The following MAST2 variants were observed in gnomAD, a reference collection of about 807,000 sequenced individuals.
MAST2 encodes microtubule associated serine/threonine kinase 2.
MAST2 carries 70 observed loss-of-function variants against 147.4 expected under a neutral mutation model. That is an observed-to-expected ratio of 0.47 (90% CI 0.39 to 0.58). The LOEUF (loss-of-function observed/expected upper bound fraction) is 0.58. Ranked by LOEUF, MAST2 falls within the 20% of genes least tolerant of loss-of-function variation. MAST2 has a pLI of 0.00. For synonymous variants in MAST2, 869 were observed against 896.8 expected, an observed-to-expected ratio of 0.97 and a Z score of 0.55; for missense variants, 2,080 against 2,302.3, an observed-to-expected ratio of 0.90 and a Z score of 1.98.
chr1:45,885,525 A>T (rs944240345), intron 4 of MAST2, among the ~76,000 whole-genome samples: 2 of 152,246 alleles, frequency 1.3e-5, no homozygotes, highest in African/African-American at 4.8e-5. Context: ...CCACTCAACA[A>T]GTAATTCCTC....
rs753056600 is a variant in MAST2 at position 46,010,752 on chromosome 1, G to A, written c.1001G>A (p.Arg334Gln). 7 of 1,613,612 alleles carry A rather than the reference G, an allele frequency of 4.3e-6. No individual in the cohort carries two copies. In the East Asian group the frequency reaches 6.7e-5, roughly 15 times the overall value. Residue 334 changes from arginine (R) to glutamine (Q), a missense_variant, in exon 10 of 29, where the codon CGA (arginine) becomes CAA (glutamine). Physicochemically the swap from Arg to Gln is conservative, Grantham distance 43. Transcript: ENST00000361297. ...FPKATAQMEERLAEFISSNTP... is the reference protein window; with the variant it reads ...FPKATAQMEEQLAEFISSNTP... ...CAGGCCACCGCACAAATGGAAGAGC[G>A]ACTAGCAGAGTTTATTTCCTCCAAC...
intron 4 of MAST2, among the ~76,000 whole-genome samples, chr1:45,906,320 T>A (rs1299877364): frequency 6.6e-6 from 1 of 152,146 alleles, no homozygotes; most frequent in Non-Finnish European, 1.5e-5. Flanking sequence ...TGTGTACACT[T>A]AGGCTAAAGT....
At chr1:45,822,968 T>G (rs533999088) in intron 1 of MAST2, among the ~76,000 whole-genome samples, 2 of 152,320 alleles carry the variant, frequency 1.3e-5, no homozygotes, top group African/African-American at 4.8e-5. Flanking sequence ...CCTGGACACA[T>G]CAATTGTTTG....
chr1:45,939,216 ATGTG>A (rs1213827412), intron 4 of MAST2, among the ~76,000 whole-genome samples: 1 of 151,884 alleles, frequency 6.6e-6, no homozygotes, highest in Non-Finnish European at 1.5e-5. Context: ...ATGAGGTCAA[ATGTG>A]TGTGTGTGAC....
At chr1:45,823,288 A>T (rs528780768) in intron 1 of MAST2, among the ~76,000 whole-genome samples, 4 of 147,118 alleles carry the variant, frequency 2.7e-5, no homozygotes, top group Non-Finnish European at 6.0e-5. Context: ...GGTGCCAGTT[A>T]CTTGAAGCTT....
intron 3 of MAST2, among the ~76,000 whole-genome samples, chr1:45,833,904 G>A (rs765371088): frequency 6.7e-6 from 1 of 149,876 alleles, no homozygotes; most frequent in Non-Finnish European, 1.5e-5. Flanking sequence ...TTTACCTACT[G>A]TAACTTCAAG....
In MAST2 at chr1:46,032,599, G is replaced by A. The variant is rs903326403; in HGVS notation, c.3418G>A (p.Val1140Met). Reference protein sequence around the residue: ...VYTVHHMVWHVEDGGPASEAG... With the variant: ...VYTVHHMVWHMEDGGPASEAG... ...TACTGTTCTCTTCCTGGCACAGCACGTGGAGGATGGAGGTCCGGCCAGTGA... is the reference window on the plus strand; with the variant it reads ...TACTGTTCTCTTCCTGGCACAGCACATGGAGGATGGAGGTCCGGCCAGTGA... The change falls in exon 26 of 29, where the codon GTG (valine) becomes ATG (methionine). Residue 1140 changes from valine to methionine, a missense_variant. Val to Met is a conservative substitution (Grantham distance 21). Coordinates refer to ENST00000361297, the MANE Select transcript of MAST2 (RefSeq NM_015112.3). 11 of 1,613,948 alleles carry A rather than the reference G, an allele frequency of 6.8e-6. No individual in the cohort carries two copies. Among genetic ancestry groups the A allele is most frequent in the Middle Eastern group, 1.6e-4 (1 of 6,084 alleles).
At position 45,848,591 on chromosome 1, in the gene MAST2, C is replaced by T. The variant is rs114936276; in HGVS notation, c.468+19010C>T. 6.6e-3 allele frequency among the ~76,000 whole-genome samples: 1,009 copies of T among 152,296 alleles called. 12 individuals carry two copies. Among genetic ancestry groups the T allele is most frequent in the African/African-American group, 0.023 (973 of 41,552 alleles). On this transcript the variant is annotated intron_variant, in intron 3 of 28. Transcript: ENST00000361297. Reference sequence around the variant, plus strand: ...GCTTGGTTTCCTCCAGACTTTGCCTCATGCACCTTTTCCATATGCTGATTA... The same window carrying T: ...GCTTGGTTTCCTCCAGACTTTGCCTTATGCACCTTTTCCATATGCTGATTA...
chr1:45,963,397 A>G (rs1362688027), intron 5 of MAST2, among the ~76,000 whole-genome samples: 1 of 152,208 alleles, frequency 6.6e-6, no homozygotes, highest in African/African-American at 2.4e-5. Flanking sequence ...ATCCATGAGC[A>G]TGGAATGTTT....
At chr1:45,870,411 A>G (rs1570456245) in intron 3 of MAST2, among the ~76,000 whole-genome samples, 2 of 151,990 alleles carry the variant, frequency 1.3e-5, no homozygotes, top group African/African-American at 2.4e-5. Context: ...CATGTATATA[A>G]TGTAAGTTTC....
At chr1:45,847,517 G>T in intron 3 of MAST2, 2 of 788,566 alleles carry the variant, frequency 2.5e-6, no homozygotes, top group Non-Finnish European at 4.1e-6. Flanking sequence ...CTTATTTGTG[G>T]GCCTCTCTCA....
At chr1:45,987,442 T>A (rs1201496788) in intron 5 of MAST2, among the ~76,000 whole-genome samples, 4 of 152,214 alleles carry the variant, frequency 2.6e-5, no homozygotes, top group African/African-American at 9.6e-5. Context: ...GCCTCTCAAG[T>A]AGCCAGGACC....
At chr1:45,998,622 G>T (rs1645149123) in intron 6 of MAST2, among the ~76,000 whole-genome samples, 1 of 152,042 alleles carries the variant, frequency 6.6e-6, no homozygotes, top group Admixed American at 6.5e-5. Flanking sequence ...GTTAGAGTTA[G>T]TCCCTGGTAT....
At chr1:45,829,904 G>A (rs569128113) in intron 3 of MAST2, among the ~76,000 whole-genome samples, 8 of 141,448 alleles carry the variant, frequency 5.7e-5, no homozygotes, top group Non-Finnish European at 1.2e-4. Flanking sequence ...TTTTGCTCTT[G>A]TCACCCAGGC....
intron 5 of MAST2, among the ~76,000 whole-genome samples, chr1:45,967,737 T>A (rs1265877491): frequency 1.3e-5 from 2 of 151,960 alleles, no homozygotes; most frequent in African/African-American, 2.4e-5. Context: ...ACTGAAAAAA[T>A]TTGTGTATAA....
In MAST2 at chr1:46,023,434, T is replaced by A; in HGVS notation, c.1571+116T>A. On this transcript the variant is annotated intron_variant, in intron 14 of 28. Coordinates refer to ENST00000361297, the MANE Select transcript of MAST2 (RefSeq NM_015112.3). This position sits in a 1 kb window ranked among gnomAD's most constrained non-coding sequence, Gnocchi z 4.9. ...GGCAGATGCCTCGGGGTGGACCTTC[T>A]CACTCCCAGAAGCCTCCTGGGTGGG... 1.1e-6 allele frequency: 1 copy of A among 935,714 alleles called. No individual in the cohort carries two copies. Among genetic ancestry groups the A allele is most frequent in the Non-Finnish European group, 1.7e-6 (1 of 586,150 alleles). 58.0% of individuals were successfully genotyped at this position (935,714 alleles called of 1,614,324 possible). A position where few individuals can be genotyped will look rare whatever the true frequency, so the allele number is the denominator to read the frequency against.
At chr1:45,858,911 G>A (rs554609748) in intron 3 of MAST2, among the ~76,000 whole-genome samples, 74 of 152,268 alleles carry the variant, frequency 4.9e-4, no homozygotes, top group African/African-American at 1.8e-3. Context: ...TCAAAGATCA[G>A]ATGGTTGTAG....
chr1:45,901,319 G>C (rs1446763520), intron 4 of MAST2, among the ~76,000 whole-genome samples: 1 of 152,094 alleles, frequency 6.6e-6, no homozygotes, highest in Non-Finnish European at 1.5e-5. Context: ...GTAGGTGTAT[G>C]GATTGACTTC....
chr1:45,952,448 T>TAGTGGC (rs1339745622), intron 4 of MAST2, among the ~76,000 whole-genome samples: 2 of 152,174 alleles, frequency 1.3e-5, no homozygotes, highest in Non-Finnish European at 2.9e-5. Context: ...TGGAATTAGA[T>TAGTGGC]AGTGGCAGTG....
Sources: allele counts gnomAD v4.1 joint callset (sites outside exome capture counted in the v4.1 genomes callset), GRCh38; gene constraint gnomAD v4.1.1; non-coding constraint Gnocchi (gnomAD v3.1); transcripts MANE v1.5; gene names NCBI Gene and HGNC (gene_info 2026-07-23, HGNC 2026-07-21).